Variants in SLC16A9 observed in about 807,000 individuals in gnomAD.
SLC16A9 encodes monocarboxylate transporter 9.
SLC16A9 carries 26 observed loss-of-function variants against 44.3 expected under a neutral mutation model. The observed-to-expected ratio is 0.59, with a 90% confidence interval of 0.43 to 0.81. SLC16A9 has a LOEUF of 0.81. Ranked by LOEUF, SLC16A9 falls within the 40% of genes least tolerant of loss-of-function variation. The probability of loss-of-function intolerance (pLI) is 0.00; values close to 1 mark genes in which losing one functional copy is unlikely to be tolerated. For synonymous variants in SLC16A9, 230 were observed against 225.1 expected (o/e 1.02, Z -0.19); for missense variants, 559 against 595.8 (o/e 0.94, Z 0.64).
chr10:59,677,781 A>G (rs1588976979), intron 2 of SLC16A9, among the ~76,000 whole-genome samples: 1 of 152,286 alleles, frequency 6.6e-6, no homozygotes. Context: ...TCAGTTTTTA[A>G]TTTATTATAG....
chr10:59,671,787 C>T (rs992165485), intron 3 of SLC16A9, among the ~76,000 whole-genome samples: 1 of 152,206 alleles, frequency 6.6e-6, no homozygotes, highest in Non-Finnish European at 1.5e-5. Flanking sequence ...CTCTAAGTAT[C>T]AAACGAAGTC....
intron 4 of SLC16A9, among the ~76,000 whole-genome samples, chr10:59,655,557 G>A (rs557423698): frequency 2.6e-5 from 4 of 151,996 alleles, no homozygotes; most frequent in Non-Finnish European, 5.9e-5. Flanking sequence ...TTTTTTTAGG[G>A]TATTTAAATT....
Position 59,653,719 on chromosome 10 carries a change from A to G in SLC16A9, c.1307T>C (p.Met436Thr). The G allele has an allele frequency of 6.2e-7, 1 of 1,614,106 alleles. No individual in the cohort carries two copies. Among genetic ancestry groups the G allele is most frequent in the Non-Finnish European group, 8.5e-7 (1 of 1,180,006 alleles). Residue 436 changes from methionine (M) to threonine (T), a missense_variant, in exon 5 of 6, where the codon ATG becomes ACG. Physicochemically the swap from Met to Thr is moderately conservative, Grantham distance 81. Transcript: ENST00000395348. Reference sequence around the variant, plus strand: ...GCTATTTCCAAGTCCAGCAAAGAACATTAATATCCCATAGGCATGGGCTAA... The same window carrying G: ...GCTATTTCCAAGTCCAGCAAAGAACGTTAATATCCCATAGGCATGGGCTAA... ...EKLAHAYGIL[M>T]FFAGLGNSLG... is the part of the protein sequence containing the mutation.
At chr10:59,704,822 G>C (rs1209548254) in intron 1 of SLC16A9, among the ~76,000 whole-genome samples, 1 of 152,204 alleles carries the variant, frequency 6.6e-6, no homozygotes, top group African/African-American at 2.4e-5. Context: ...CTTTCAGTTA[G>C]CAAACGTTTT....
chr10:59,708,589 T>C (rs548867989), intron 1 of SLC16A9: 1 of 152,358 alleles, frequency 6.6e-6, no homozygotes, highest in African/African-American at 2.4e-5. Flanking sequence ...CCAAAAATGT[T>C]ATATCGAATA....
At chr10:59,664,987 CAT>C (rs138076534) in intron 3 of SLC16A9, among the ~76,000 whole-genome samples, 20,923 of 152,152 alleles carry the variant, frequency 0.14, 1,529 homozygotes, top group East Asian at 0.21. Flanking sequence ...TATTGGTGAG[CAT>C]ATGGTTGTTT....
chr10:59,703,269 G>A (rs770222387), intron 1 of SLC16A9, among the ~76,000 whole-genome samples: 4 of 152,138 alleles, frequency 2.6e-5, no homozygotes, highest in Non-Finnish European at 4.4e-5. Flanking sequence ...CTACAGGCAG[G>A]TGCCACTATG....
chr10:59,706,249 T>C (rs1197063957), intron 1 of SLC16A9, among the ~76,000 whole-genome samples: 2 of 152,108 alleles, frequency 1.3e-5, no homozygotes, highest in African/African-American at 2.4e-5. Flanking sequence ...GCAGGGACCA[T>C]GTGTTCTTTT....
At chr10:59,678,225 G>A (rs544693466) in intron 2 of SLC16A9, among the ~76,000 whole-genome samples, 3 of 151,994 alleles carry the variant, frequency 2.0e-5, no homozygotes, top group Admixed American at 2.0e-4. Flanking sequence ...GACCTGCCAT[G>A]CAGCAAGGAT....
At chr10:59,671,963 A>G (rs147876181) in intron 3 of SLC16A9, among the ~76,000 whole-genome samples, 3 of 152,282 alleles carry the variant, frequency 2.0e-5, no homozygotes, top group African/African-American at 7.2e-5. Flanking sequence ...TACATTTTCT[A>G]TTATTTATTA....
At chr10:59,700,529 G>A (rs1258701698) in intron 1 of SLC16A9, among the ~76,000 whole-genome samples, 2 of 152,196 alleles carry the variant, frequency 1.3e-5, no homozygotes, top group Non-Finnish European at 2.9e-5. Context: ...TTTCACATGA[G>A]CATGTTTCTA....
rs1839215456 is a variant in SLC16A9 at position 59,652,133 on chromosome 10, C to T, written c.*639G>A. ...AATACCTTAGGAACTGAAACAGTTG[C>T]TCAGTGGGTACCAAACAACATGCGA... On this transcript the variant is annotated 3_prime_UTR_variant, in exon 6 of 6. Transcript: ENST00000395348. 2.6e-5 allele frequency: 4 copies of T among 152,194 alleles called. No homozygotes were observed. Among genetic ancestry groups the T allele is most frequent in the Admixed American group, 2.6e-4 (4 of 15,280 alleles). The allele number at this position is 152,194 out of a possible 1,614,324, so 9.4% of individuals were successfully genotyped here. A position where few individuals can be genotyped will look rare whatever the true frequency, so the allele number is the denominator to read the frequency against.
intron 1 of SLC16A9, among the ~76,000 whole-genome samples, chr10:59,704,721 T>G (rs907039908): frequency 2.0e-5 from 3 of 152,212 alleles, no homozygotes; most frequent in Non-Finnish European, 4.4e-5. Flanking sequence ...TCATTTCAGC[T>G]TCTCTCTACT....
chr10:59,702,293 C>A (rs933249845), intron 1 of SLC16A9, among the ~76,000 whole-genome samples: 11 of 152,272 alleles, frequency 7.2e-5, no homozygotes, highest in Admixed American at 2.0e-4. Flanking sequence ...AAATCCAAAT[C>A]TTTTACCAAT....
Position 59,706,746 on chromosome 10 carries a change from G to A in SLC16A9, c.-37+2733C>T, listed in dbSNP as rs1840646652. ...CCAGCACTTTGGGAGGCTGAGGCGG[G>A]TTGATCACCTGAGGTCAGAAGTTCG... is the stretch of plus-strand genomic sequence containing the variant. On this transcript the variant is annotated intron_variant, in intron 1 of 5. Coordinates refer to ENST00000395348, the MANE Select transcript of SLC16A9 (RefSeq NM_194298.3). 2.0e-5 allele frequency among the ~76,000 whole-genome samples: 3 copies of A among 152,052 alleles called. No homozygotes were observed. In the South Asian group the frequency reaches 6.2e-4, roughly 32 times the overall value.
chr10:59,701,537 T>TA (rs1840523821), intron 1 of SLC16A9, among the ~76,000 whole-genome samples: 1 of 152,242 alleles, frequency 6.6e-6, no homozygotes, highest in Admixed American at 6.5e-5. Context: ...TCATGAAGCT[T>TA]ACAGTTGTCC....
chr10:59,653,400 T>C (rs897078174), intron 5 of SLC16A9, among the ~76,000 whole-genome samples: 2 of 99,662 alleles, frequency 2.0e-5, no homozygotes, highest in Admixed American at 3.3e-4. Context: ...CACTCCAGCC[T>C]GGGCGACAGT....
chr10:59,679,630 C>T (rs1338108418), intron 2 of SLC16A9, among the ~76,000 whole-genome samples: 1 of 152,190 alleles, frequency 6.6e-6, no homozygotes, highest in African/African-American at 2.4e-5. Flanking sequence ...AGTTAAGTGA[C>T]TATGCACTTT....
intron 1 of SLC16A9, among the ~76,000 whole-genome samples, chr10:59,692,233 C>T (rs556911284): frequency 7.2e-5 from 11 of 152,280 alleles, no homozygotes; most frequent in Middle Eastern, 3.4e-3. Context: ...ATCTAGTTAT[C>T]TGTGAGGTGA....
Sources: allele counts gnomAD v4.1 joint callset (sites outside exome capture counted in the v4.1 genomes callset), GRCh38; gene constraint gnomAD v4.1.1; transcripts MANE v1.5; gene names NCBI Gene and HGNC (gene_info 2026-07-23, HGNC 2026-07-21).